PRKCE: variants seen among roughly 807,000 people sequenced by gnomAD.
PRKCE encodes protein kinase C epsilon.
In PRKCE, 16 loss-of-function variants were observed where a neutral mutation model predicts 85.4. The ratio of observed to expected loss-of-function variants is 0.19; its 90% CI spans 0.13 to 0.28. PRKCE has a LOEUF of 0.28. Among genes scored for constraint, PRKCE ranks in the 10% least tolerant of loss-of-function variants. PRKCE has a pLI of 1.00. For synonymous variants in PRKCE, 388 were observed against 371.5 expected, an observed-to-expected ratio of 1.04 and a Z score of -0.51; for missense variants, 573 against 975.2, an observed-to-expected ratio of 0.59 and a Z score of 5.49.
At chr2:46,071,743 G>A (rs530463789) in intron 10 of PRKCE, among the ~76,000 whole-genome samples, 1 of 152,214 alleles carries the variant, frequency 6.6e-6, no homozygotes, top group East Asian at 1.9e-4. Context: ...TGTGTTTAGA[G>A]AGACCAGCCT....
chr2:45,806,852 G>T (rs1688281708), intron 1 of PRKCE, among the ~76,000 whole-genome samples: 1 of 152,192 alleles, frequency 6.6e-6, no homozygotes. Context: ...GGGAAGCTCT[G>T]AGATCCCATG....
At chr2:45,714,603 T>C (rs907635622) in intron 1 of PRKCE, among the ~76,000 whole-genome samples, 1 of 152,222 alleles carries the variant, frequency 6.6e-6, no homozygotes, top group African/African-American at 2.4e-5. Context: ...CTTGCTTTCC[T>C]CCTTCCTTAT....
chr2:45,885,675 T>G (rs963313711), intron 2 of PRKCE, among the ~76,000 whole-genome samples: 1 of 152,140 alleles, frequency 6.6e-6, no homozygotes, highest in African/African-American at 2.4e-5. Context: ...AGGATTTAGT[T>G]CTCTAGCCAA....
At chr2:45,752,253 G>A (rs1197656269) in intron 1 of PRKCE, among the ~76,000 whole-genome samples, 1 of 152,080 alleles carries the variant, frequency 6.6e-6, no homozygotes, top group Non-Finnish European at 1.5e-5. Flanking sequence ...AGATATTATC[G>A]TTATCCCCAT....
intron 2 of PRKCE, among the ~76,000 whole-genome samples, chr2:45,927,152 G>C (rs1197591828): frequency 2.6e-5 from 4 of 152,200 alleles, no homozygotes; most frequent in African/African-American, 7.2e-5. Flanking sequence ...GTGTGCACGG[G>C]ACACAGGATG....
At chr2:45,707,331 C>G (rs759215776) in intron 1 of PRKCE, among the ~76,000 whole-genome samples, 11 of 152,186 alleles carry the variant, frequency 7.2e-5, no homozygotes, top group Non-Finnish European at 1.0e-4. Context: ...GTAATTGTTA[C>G]CAAACATCTG....
intron 1 of PRKCE, among the ~76,000 whole-genome samples, chr2:45,825,025 A>C (rs1689833175): frequency 6.6e-6 from 1 of 152,176 alleles, no homozygotes; most frequent in Non-Finnish European, 1.5e-5. Context: ...GGGTACATGG[A>C]TTGAGAAATG....
At chr2:45,941,065 T>TGAAAAAAAAAAAAAAAAAAAAAAA in intron 2 of PRKCE, among the ~76,000 whole-genome samples, 1 of 67,162 alleles carries the variant, frequency 1.5e-5, no homozygotes, top group African/African-American at 6.0e-5. Context: ...GACTTCATCC[T>TGAAAAAAAAAAAAAAAAAAAAAAA]AAAAAAAAAA....
chr2:46,076,522 G>A (rs1428217666), intron 10 of PRKCE, among the ~76,000 whole-genome samples: 3 of 152,124 alleles, frequency 2.0e-5, no homozygotes, highest in Non-Finnish European at 2.9e-5. Flanking sequence ...TCAGTTTGGC[G>A]CAGCTTTAGG....
At chr2:45,883,228 A>G (rs1379437839) in intron 2 of PRKCE, among the ~76,000 whole-genome samples, 1 of 152,246 alleles carries the variant, frequency 6.6e-6, no homozygotes, top group African/African-American at 2.4e-5. Flanking sequence ...GAATAGAGCC[A>G]AGTATGGATT....
intron 11 of PRKCE, among the ~76,000 whole-genome samples, chr2:46,112,180 T>C (rs979282512): frequency 4.6e-5 from 7 of 152,202 alleles, no homozygotes; most frequent in Admixed American, 2.6e-4. Flanking sequence ...TGTTTTGAAG[T>C]CGTCTTTGTC....
intron 13 of PRKCE, among the ~76,000 whole-genome samples, chr2:46,153,021 T>A (rs1332443499): frequency 6.6e-6 from 1 of 152,146 alleles, no homozygotes; most frequent in Admixed American, 6.6e-5. Flanking sequence ...CTCTCCCCTC[T>A]GCCCTTACTC....
chr2:46,085,753 TTG>T lies in PRKCE; in HGVS notation c.1438-453_1438-452del, dbSNP rs1558437650. ...CAAAATCCGTTTTTTTTTTTTGTTT[TTG>T]TTTTTTTTTTTTTTTTTAGCCATAT... is the stretch of plus-strand genomic sequence containing the variant. On this transcript the variant is annotated intron_variant, in intron 10 of 14. Coordinates refer to ENST00000306156, the MANE Select transcript of PRKCE (RefSeq NM_005400.3). Among the ~76,000 whole-genome samples, 104 of 14,136 alleles carry T rather than the reference TTG, an allele frequency of 7.4e-3. 9 individuals carry two copies. The highest frequency in any genetic ancestry group is 0.02 in the South Asian group (6 of 306). The allele number at this position is 14,136 out of a possible 152,430, so 9.3% of individuals were successfully genotyped here.
chr2:46,005,595 C>A (rs1461299081), intron 8 of PRKCE, among the ~76,000 whole-genome samples: 1 of 152,148 alleles, frequency 6.6e-6, no homozygotes, highest in Non-Finnish European at 1.5e-5. Flanking sequence ...AAGGGCAAGA[C>A]TGTACCCATG....
chr2:45,977,662 G>C (rs566739859), intron 3 of PRKCE, among the ~76,000 whole-genome samples: 1 of 151,834 alleles, frequency 6.6e-6, no homozygotes, highest in African/African-American at 2.4e-5. Context: ...AATCTGGAAG[G>C]AGGAGAGGGG....
chr2:45,924,495 G>T (rs553092776), intron 2 of PRKCE, among the ~76,000 whole-genome samples: 8 of 152,202 alleles, frequency 5.3e-5, no homozygotes, highest in African/African-American at 1.9e-4. Context: ...CAGAGAGGCT[G>T]GGAGTGCGGG....
At chr2:45,965,057 A>G (rs1269491190) in intron 2 of PRKCE, among the ~76,000 whole-genome samples, 1 of 152,216 alleles carries the variant, frequency 6.6e-6, no homozygotes, top group Non-Finnish European at 1.5e-5. Flanking sequence ...TACATGCAGA[A>G]TAAAACATGC....
chr2:45,846,083 A>G (rs1691765761), intron 2 of PRKCE, among the ~76,000 whole-genome samples: 1 of 152,116 alleles, frequency 6.6e-6, no homozygotes, highest in Admixed American at 6.5e-5. Flanking sequence ...TCCATGTTTT[A>G]CTTGCATCGT....
At chr2:45,783,167 T>C (rs6707046) in intron 1 of PRKCE, among the ~76,000 whole-genome samples, 26,013 of 152,106 alleles carry the variant, frequency 0.17, 5,173 homozygotes, top group African/African-American at 0.48. Context: ...TTATTTTCAA[T>C]TGAAGCTCTA....
Sources: allele counts gnomAD v4.1 joint callset (sites outside exome capture counted in the v4.1 genomes callset), GRCh38; gene constraint gnomAD v4.1.1; transcripts MANE v1.5; gene names NCBI Gene and HGNC (gene_info 2026-07-23, HGNC 2026-07-21).